The following SLC12A7 variants were observed in gnomAD, a reference collection of about 807,000 sequenced individuals.
SLC12A7 encodes solute carrier family 12 member 7.
A neutral mutation model predicts 120.6 loss-of-function variants in SLC12A7; 100 were observed. That is an observed-to-expected ratio of 0.83 (90% CI 0.71 to 0.98). The LOEUF (loss-of-function observed/expected upper bound fraction) is 0.98, where lower values mean the gene tolerates loss of function less well. Ranked by LOEUF, SLC12A7 falls within the 50% of genes least tolerant of loss-of-function variation. The probability of loss-of-function intolerance (pLI) is 0.00; values close to 1 mark genes in which losing one functional copy is unlikely to be tolerated. For missense variants in SLC12A7, 1,373 were observed against 1,548.1 expected (o/e 0.89, Z 1.90); for synonymous variants, 760 against 678.0 (o/e 1.12, Z -1.88).
In SLC12A7 at chr5:1,050,444, G is replaced by A. The variant is rs1323017752; in HGVS notation, c.*1916C>T. 1 of 166,094 alleles carries A rather than the reference G, an allele frequency of 6.0e-6. No homozygotes were observed. Among genetic ancestry groups the A allele is most frequent in the Non-Finnish European group, 1.3e-5 (1 of 77,728 alleles). The allele number at this position is 166,094 out of a possible 1,614,324, so 10.3% of individuals were successfully genotyped here. On this transcript the variant is annotated 3_prime_UTR_variant, in exon 24 of 24. Transcript: ENST00000264930. ...AGACAGACAGGGAAACCTACAAAAGGAAACGGAGTCAATTGTAAATGGCTG... is the reference window on the plus strand; with the variant it reads ...AGACAGACAGGGAAACCTACAAAAGAAAACGGAGTCAATTGTAAATGGCTG...
chr5:1,147,563 ATTCT>A, the SLC12A7 span, among the ~76,000 whole-genome samples: 1 of 152,032 alleles, frequency 6.6e-6, no homozygotes, highest in Admixed American at 6.5e-5. Context: ...AAGCCAAGTG[ATTCT>A]TTCCACCCAC....
the SLC12A7 span, among the ~76,000 whole-genome samples, chr5:1,132,602 T>C: frequency 4.6e-5 from 7 of 152,196 alleles, no homozygotes; most frequent in Non-Finnish European, 8.8e-5. Flanking sequence ...CAGGGGGCCC[T>C]GACTCATGAA....
intron 11 of SLC12A7, 165 bp downstream of exon 11, chr5:1,078,536 A>T: frequency 1.5e-6 from 1 of 657,894 alleles, no homozygotes; most frequent in Non-Finnish European, 2.8e-6. Context: ...CCAGCGGAAG[A>T]GACGACACAT....
intron 1 of SLC12A7, among the ~76,000 whole-genome samples, chr5:1,098,815 G>A (rs1053501052): frequency 2.3e-5 from 3 of 128,200 alleles, no homozygotes; most frequent in East Asian, 2.2e-4. Context: ...TCACCCAGCC[G>A]CGTCCCTTGC....
chr5:1,074,509 G>T, intron 16 of SLC12A7, 58 bp downstream of exon 16: 1 of 1,509,062 alleles, frequency 6.6e-7, no homozygotes, highest in South Asian at 1.2e-5. Flanking sequence ...CTCAAAGGCC[G>T]ACCTCAGAAA....
rs1561044189 is a variant in SLC12A7 at position 1,065,182 on chromosome 5, CG to C, written c.2437+100del. ...CGAAAAGGGGACAGTGAGAGGACAG[CG>C]AGGGGACACTGAGGAGACACACAGG... On this transcript the variant is annotated intron_variant, in intron 18 of 23. Transcript: ENST00000264930. 2.1e-4 allele frequency: 201 copies of C among 968,474 alleles called. 2 individuals are homozygous for C. In the East Asian group the frequency reaches 4.9e-3, roughly 24 times the overall value. The allele number at this position is 968,474 out of a possible 1,614,324, so 60.0% of individuals were successfully genotyped here. A position where few individuals can be genotyped will look rare whatever the true frequency, so the allele number is the denominator to read the frequency against.
chr5:1,140,207 C>T, the SLC12A7 span, among the ~76,000 whole-genome samples: 3 of 152,248 alleles, frequency 2.0e-5, no homozygotes, highest in African/African-American at 7.2e-5. Context: ...CCCGGCCCAC[C>T]TGCATGCAGG....
At chr5:1,105,471 G>GC (rs1387227981) in intron 1 of SLC12A7, among the ~76,000 whole-genome samples, 1 of 152,210 alleles carries the variant, frequency 6.6e-6, no homozygotes, top group African/African-American at 2.4e-5. Flanking sequence ...CCGTGGGCCT[G>GC]CCCCCCGGCA....
At chr5:1,083,087 G>A (rs2150853637) in intron 8 of SLC12A7, among the ~76,000 whole-genome samples, 1 of 150,210 alleles carries the variant, frequency 6.7e-6, no homozygotes, top group African/African-American at 2.5e-5. Flanking sequence ...GGAAAGCCTG[G>A]GCTTCCTCTC....
intron 9 of SLC12A7, among the ~76,000 whole-genome samples, chr5:1,080,120 G>A (rs926414811): frequency 2.7e-5 from 4 of 149,944 alleles, no homozygotes; most frequent in African/African-American, 5.1e-5. Context: ...ATCCAGTGCC[G>A]CGGAGACACC....
chr5:1,064,069 G>A lies in SLC12A7; in HGVS notation c.2607+14C>T, dbSNP rs369998225. 105 of 1,601,864 alleles carry A rather than the reference G, an allele frequency of 6.6e-5. No homozygotes were observed. In the South Asian group the frequency reaches 8.7e-4, roughly 13 times the overall value. On this transcript the variant is annotated intron_variant, in intron 19 of 23. Transcript: ENST00000264930. ...GCCGTGCTCCGGCTGGCGTGTCCCC[G>A]TCGCACGCCCCACCTTGTGCTGGCG...
At chr5:1,101,121 C>T (rs1328679701) in intron 1 of SLC12A7, among the ~76,000 whole-genome samples, 2 of 152,194 alleles carry the variant, frequency 1.3e-5, no homozygotes, top group Non-Finnish European at 2.9e-5. Context: ...CCTGTTTCAG[C>T]GCCCTCTCCC....
intron 3 of SLC12A7, 30 bp from the exon 4 acceptor site, chr5:1,089,158 C>T (rs377014472): frequency 7.5e-6 from 12 of 1,606,024 alleles, no homozygotes; most frequent in African/African-American, 1.3e-5. Context: ...GTCCCAGGGG[C>T]TCGTACCCCA....
the SLC12A7 span, among the ~76,000 whole-genome samples, chr5:1,122,194 G>A: frequency 6.6e-6 from 1 of 152,272 alleles, no homozygotes; most frequent in South Asian, 2.1e-4. Context: ...TGCCCCCACC[G>A]CCTGCCCTTG....
chr5:1,078,466 G>A (rs1176714422), intron 11 of SLC12A7: 11 of 598,486 alleles, frequency 1.8e-5, no homozygotes, highest in African/African-American at 7.4e-5. Context: ...GGAAGGGCCT[G>A]CGCCCCCAGC....
chr5:1,064,944 C>CAGTGAGGGGAT (rs1736842150), intron 18 of SLC12A7, among the ~76,000 whole-genome samples: 1 of 135,188 alleles, frequency 7.4e-6, no homozygotes, highest in African/African-American at 2.9e-5. Flanking sequence ...AGTGAGGGGA[C>CAGTGAGGGGAT]GGCGAAGAGA....
chr5:1,139,892 C>G, the SLC12A7 span, among the ~76,000 whole-genome samples: 1 of 152,232 alleles, frequency 6.6e-6, no homozygotes, highest in Admixed American at 6.5e-5. Flanking sequence ...TTCCACATCT[C>G]CAAACGGCGT....
At chr5:1,095,520 C>T (rs935742270) in intron 1 of SLC12A7, among the ~76,000 whole-genome samples, 1 of 152,232 alleles carries the variant, frequency 6.6e-6, no homozygotes, top group Non-Finnish European at 1.5e-5. Context: ...AAGCCGGGAC[C>T]CTTCCTAGGG....
At chr5:1,151,330 C>T in the SLC12A7 span, among the ~76,000 whole-genome samples, 1 of 152,238 alleles carries the variant, frequency 6.6e-6, no homozygotes, top group Non-Finnish European at 1.5e-5. This position sits in a 1 kb window ranked among gnomAD's most constrained non-coding sequence, Gnocchi z 6.2. Flanking sequence ...GAAACCTCAG[C>T]CTGGCCTCGG....
Sources: gnomAD v4.1 joint callset for allele counts (sites outside exome capture counted in the v4.1 genomes callset) on GRCh38, gnomAD v4.1.1 for gene constraint, Gnocchi (gnomAD v3.1) non-coding constraint, MANE v1.5 for transcripts, NCBI Gene and HGNC (gene_info 2026-07-23, HGNC 2026-07-21) for gene names.